Variants in PLXDC2 observed in about 807,000 individuals in gnomAD.
PLXDC2 encodes plexin domain containing 2.
PLXDC2 carries 40 observed loss-of-function variants against 68.9 expected under a neutral mutation model. That is an observed-to-expected ratio of 0.58 (90% CI 0.45 to 0.76). The LOEUF (loss-of-function observed/expected upper bound fraction) is 0.76, where lower values mean the gene tolerates loss of function less well. Ranked by LOEUF, PLXDC2 falls within the 30% of genes least tolerant of loss-of-function variation. The pLI, the probability that PLXDC2 is intolerant of heterozygous loss-of-function variation, is 0.00. For synonymous variants in PLXDC2, 243 were observed against 234.2 expected (o/e 1.04, Z -0.34); for missense variants, 644 against 661.9 (o/e 0.97, Z 0.30).
chr10:20,067,975 T>G (rs1045213936), intron 3 of PLXDC2, among the ~76,000 whole-genome samples, 195 bp from the exon 4 acceptor site: 1 of 152,166 alleles, frequency 6.6e-6, no homozygotes, highest in Non-Finnish European at 1.5e-5. Flanking sequence ...ACTTTATTCT[T>G]TTCACATACT....
intron 1 of PLXDC2, among the ~76,000 whole-genome samples, chr10:19,863,712 G>A (rs1291868971): frequency 6.6e-6 from 1 of 152,124 alleles, no homozygotes; most frequent in African/African-American, 2.4e-5. Context: ...AAATTAACAA[G>A]CATTTTTTTA....
At chr10:20,136,835 T>C (rs963799630) in intron 4 of PLXDC2, among the ~76,000 whole-genome samples, 10 of 152,202 alleles carry the variant, frequency 6.6e-5, no homozygotes, top group Non-Finnish European at 1.3e-4. Flanking sequence ...TTTTATGGAG[T>C]ACCTTACACA....
Position 20,279,750 on chromosome 10 carries a change from A to T in PLXDC2, c.1521A>T (p.Gly507=). The T allele has an allele frequency of 6.2e-7, 1 of 1,614,012 alleles. No individual in the cohort carries two copies. Among genetic ancestry groups the T allele is most frequent in the Non-Finnish European group, 8.5e-7 (1 of 1,179,936 alleles). ...CGATGAAGTTTAGAAGAGGCTCTGG[A>T]CATCCTGCCTATGCTGAAGTTGAAC... is the stretch of plus-strand genomic sequence containing the variant. ...WPAMKFRRGS[G]HPAYAEVEPV... Residue 507 remains glycine (G), a synonymous_variant, in exon 14 of 14, where the codon GGA becomes GGT. Transcript: ENST00000377252.
In PLXDC2 at chr10:20,187,151, G is replaced by C. The variant is rs1031407455; in HGVS notation, c.1061+9742G>C. Among the ~76,000 whole-genome samples the C allele has an allele frequency of 4.6e-5, 7 of 151,882 alleles. No individual in the cohort carries two copies. In the East Asian group the frequency reaches 1.4e-3, roughly 30 times the overall value. On this transcript the variant is annotated intron_variant, in intron 9 of 13. Transcript: ENST00000377252. ...TTAGGTGAATTACGTGGAAATGTCTGGTTGGATACCTAGTGGCACAGCCAG... is the reference window on the plus strand; with the variant it reads ...TTAGGTGAATTACGTGGAAATGTCTCGTTGGATACCTAGTGGCACAGCCAG...
At chr10:20,101,605 G>T (rs888416340) in intron 4 of PLXDC2, among the ~76,000 whole-genome samples, 1 of 151,744 alleles carries the variant, frequency 6.6e-6, no homozygotes, top group Non-Finnish European at 1.5e-5. Context: ...TTGCTTCCTG[G>T]GTTCATCATC....
intron 1 of PLXDC2, among the ~76,000 whole-genome samples, chr10:19,873,782 C>A (rs1837585881): frequency 6.6e-6 from 1 of 152,186 alleles, no homozygotes; most frequent in Admixed American, 6.5e-5. Flanking sequence ...TCACAAAGAT[C>A]TATTTCCACT....
rs1345966467 is a variant in PLXDC2 at position 19,816,801 on chromosome 10, C to T, written c.-279C>T. 1.2e-5 allele frequency: 6 copies of T among 508,756 alleles called. No individual in the cohort carries two copies. The highest frequency in any genetic ancestry group is 2.1e-5 in the Non-Finnish European group (6 of 285,872). The allele number at this position is 508,756 out of a possible 1,614,324, so 31.5% of individuals were successfully genotyped here. On this transcript the variant is annotated 5_prime_UTR_variant, in exon 1 of 14. Coordinates refer to ENST00000377252, the MANE Select transcript of PLXDC2 (RefSeq NM_032812.9). ...TTTGCGAGCCTCGGCTGCAAGTGGC[C>T]TCTCCTCCCCGCGGTTGTTGTTCAG...
At chr10:20,172,384 T>C (rs1407906588) in intron 7 of PLXDC2, among the ~76,000 whole-genome samples, 1 of 152,126 alleles carries the variant, frequency 6.6e-6, no homozygotes. Context: ...AACCGTGATA[T>C]TGTCACAGGC....
At chr10:20,090,979 G>A (rs1006018678) in intron 4 of PLXDC2, among the ~76,000 whole-genome samples, 2 of 152,146 alleles carry the variant, frequency 1.3e-5, no homozygotes, top group Non-Finnish European at 2.9e-5. Context: ...GTATTCTGAC[G>A]TAATAGGTAA....
chr10:19,910,507 G>A (rs946269107), intron 1 of PLXDC2, among the ~76,000 whole-genome samples: 3 of 151,426 alleles, frequency 2.0e-5, no homozygotes, highest in Admixed American at 6.6e-5. Flanking sequence ...ATAAAGGACT[G>A]GGTCCTTCCA....
Position 20,281,286 on chromosome 10 carries a change from G to A in PLXDC2, c.*1467G>A, listed in dbSNP as rs1032681134. 3 of 152,142 alleles carry A rather than the reference G, an allele frequency of 2.0e-5. No individual in the cohort carries two copies. Among genetic ancestry groups the A allele is most frequent in the Admixed American group, 1.3e-4 (2 of 15,254 alleles). 9.4% of individuals were successfully genotyped at this position (152,142 alleles called of 1,614,324 possible). On this transcript the variant is annotated 3_prime_UTR_variant, in exon 14 of 14. Transcript: ENST00000377252. ...GGAATGGCATCCCTTGAGAAGGAAAGTGGTTAATATACATACTGAGCTCCT... is the reference window on the plus strand; with the variant it reads ...GGAATGGCATCCCTTGAGAAGGAAAATGGTTAATATACATACTGAGCTCCT...
chr10:20,146,873 T>C (rs1368271403), intron 5 of PLXDC2, among the ~76,000 whole-genome samples: 2 of 152,138 alleles, frequency 1.3e-5, no homozygotes, highest in African/African-American at 4.8e-5. Context: ...TATTTATTAC[T>C]GGGAGATAAG....
chr10:20,278,280 G>A lies in PLXDC2; in HGVS notation c.1474-1423G>A, dbSNP rs146202480. Among the ~76,000 whole-genome samples the A allele has an allele frequency of 6.2e-4, 95 of 152,248 alleles. 1 individual carries two copies. Among genetic ancestry groups the A allele is most frequent in the African/African-American group, 2.2e-3 (93 of 41,548 alleles). On this transcript the variant is annotated intron_variant, in intron 13 of 13. Transcript: ENST00000377252. ...CCAGGGAAGCTGTAGCTTTGGAGAA[G>A]CTCAGCTGTGAAGTCACTAAAACCA...
At chr10:20,073,552 A>T (rs1836379593) in intron 4 of PLXDC2, among the ~76,000 whole-genome samples, 1 of 152,204 alleles carries the variant, frequency 6.6e-6, no homozygotes, top group African/African-American at 2.4e-5. Flanking sequence ...CCTATTAAGC[A>T]TTTTAATATT....
At chr10:19,968,702 A>T (rs1351752873) in intron 1 of PLXDC2, among the ~76,000 whole-genome samples, 1 of 152,244 alleles carries the variant, frequency 6.6e-6, no homozygotes, top group Non-Finnish European at 1.5e-5. Flanking sequence ...GAGCAGTGCT[A>T]TTCATCCAAG....
chr10:19,890,149 A>C lies in PLXDC2; in HGVS notation c.112+72958A>C, dbSNP rs139254065. On this transcript the variant is annotated intron_variant, in intron 1 of 13. Coordinates refer to ENST00000377252, the MANE Select transcript of PLXDC2 (RefSeq NM_032812.9). ...GTCTACTGTGTCAACTTTGGGGGATAGCCCTGGGCTTCCTCTAATTCCTTT... is the reference window on the plus strand; with the variant it reads ...GTCTACTGTGTCAACTTTGGGGGATCGCCCTGGGCTTCCTCTAATTCCTTT... Among the ~76,000 whole-genome samples the C allele has an allele frequency of 1.1e-4, 16 of 152,340 alleles. No homozygotes were observed. In the East Asian group the frequency reaches 3.1e-3, roughly 29 times the overall value.
At chr10:19,916,698 G>A (rs977674160) in intron 1 of PLXDC2, among the ~76,000 whole-genome samples, 1 of 152,100 alleles carries the variant, frequency 6.6e-6, no homozygotes, top group Non-Finnish European at 1.5e-5. Flanking sequence ...CTACACAGTG[G>A]TAGAGCTGCA....
At chr10:20,032,465 G>A (rs193092532) in intron 2 of PLXDC2, among the ~76,000 whole-genome samples, 58 of 152,210 alleles carry the variant, frequency 3.8e-4, no homozygotes, top group African/African-American at 1.4e-3. Context: ...TGGTTTAATA[G>A]GTTTACTTTT....
intron 1 of PLXDC2, among the ~76,000 whole-genome samples, chr10:19,976,815 A>G (rs1334096977): frequency 9.3e-6 from 1 of 107,980 alleles, no homozygotes; most frequent in Non-Finnish European, 2.0e-5. Context: ...ATATTTTCTG[A>G]CTCTCTTTTA....
Sources: gnomAD v4.1 joint callset for allele counts (sites outside exome capture counted in the v4.1 genomes callset) on GRCh38, gnomAD v4.1.1 for gene constraint, MANE v1.5 for transcripts, NCBI Gene and HGNC (gene_info 2026-07-23, HGNC 2026-07-21) for gene names.